Variants in PPP2R1A observed in about 807,000 individuals in gnomAD.
PPP2R1A encodes the protein protein phosphatase 2 scaffold subunit Aalpha, also known as serine/threonine-protein phosphatase 2A 65 kDa regulatory subunit A alpha isoform.
PPP2R1A carries 15 observed loss-of-function variants against 67.1 expected under a neutral mutation model. The observed-to-expected ratio is 0.22, with a 90% CI of 0.15 to 0.34. The LOEUF (loss-of-function observed/expected upper bound fraction) is 0.34, where lower values mean the gene tolerates loss of function less well. PPP2R1A is among the 10% of genes least tolerant of loss of function. The pLI is 1.00. For synonymous variants in PPP2R1A, 337 were observed against 325.0 expected (o/e 1.04, Z -0.40); for missense variants, 369 against 775.0 (o/e 0.48, Z 6.22).
intron 12 of PPP2R1A, among the ~76,000 whole-genome samples, chr19:52,221,515 A>G (rs574132975): frequency 2.0e-5 from 3 of 152,226 alleles, no homozygotes; most frequent in Admixed American, 2.0e-4. Context: ...ACTGCCATAT[A>G]TTAGCTATGG....
intron 9 of PPP2R1A, among the ~76,000 whole-genome samples, chr19:52,218,060 G>A (rs1210890949): frequency 6.6e-6 from 1 of 152,134 alleles, no homozygotes; most frequent in African/African-American, 2.4e-5. Context: ...GCATTGATAC[G>A]GAAGGATTCA....
At position 52,220,993 on chromosome 19, in the gene PPP2R1A, G is replaced by A. The variant is rs747728763; in HGVS notation, c.1378G>A (p.Glu460Lys). 3.1e-6 allele frequency: 5 copies of A among 1,614,156 alleles called. No homozygotes were observed. Among genetic ancestry groups the A allele is most frequent in the Non-Finnish European group, 2.5e-6 (3 of 1,180,012 alleles). The change falls in exon 12 of 15, where the codon GAG becomes AAG. Residue 460 changes from glutamate (E) to lysine (K), a missense_variant. By Grantham distance (56) the Glu-to-Lys change is moderately conservative. Coordinates refer to ENST00000322088, the MANE Select transcript of PPP2R1A (RefSeq NM_014225.6). Reference sequence around the variant, plus strand: ...CCCTTCTGCAGTATATGCCATCCGCGAGGCAGCCACCAGCAACCTGAAGAA... The same window carrying A: ...CCCTTCTGCAGTATATGCCATCCGCAAGGCAGCCACCAGCAACCTGAAGAA... ...WLVDHVYAIR[E>K]AATSNLKKLV...
In PPP2R1A at chr19:52,226,865, T is replaced by A. The variant is rs1478055336; in HGVS notation, c.*884T>A. The A allele has an allele frequency of 6.6e-6, 1 of 152,128 alleles. No homozygotes were observed. The highest frequency in any genetic ancestry group is 1.5e-5 in the Non-Finnish European group (1 of 68,024). The allele number at this position is 152,128 out of a possible 1,614,324, so 9.4% of individuals were successfully genotyped here. A position where few individuals can be genotyped will look rare whatever the true frequency, so the allele number is the denominator to read the frequency against. ...TAGTACCTGGAAAGTGTGTAACAGT[T>A]TCAACATGAGAAGTACACAACATGA... On this transcript the variant is annotated 3_prime_UTR_variant, in exon 15 of 15. Coordinates refer to ENST00000322088, the MANE Select transcript of PPP2R1A (RefSeq NM_014225.6).
chr19:52,205,744 C>T (rs1037863605), intron 2 of PPP2R1A, among the ~76,000 whole-genome samples: 6 of 152,132 alleles, frequency 3.9e-5, no homozygotes, highest in Admixed American at 6.5e-5. Flanking sequence ...ATTTCACACC[C>T]GCTAGAGGGC....
chr19:52,196,744 AG>A (rs1478627312), intron 1 of PPP2R1A, among the ~76,000 whole-genome samples: 1 of 152,184 alleles, frequency 6.6e-6, no homozygotes, highest in African/African-American at 2.4e-5. Context: ...TCATGGTGTC[AG>A]GGTCCCAGGC....
chr19:52,201,321 T>C (rs1173303414), intron 1 of PPP2R1A: 1 of 152,282 alleles, frequency 6.6e-6, no homozygotes, highest in African/African-American at 2.4e-5. Flanking sequence ...TTTTTTTCTC[T>C]TTGAGACAAA....
rs184845027 is a variant in PPP2R1A, at chr19:52,211,930, C to T, written c.503+438C>T. Among the ~76,000 whole-genome samples, 1 of 152,226 alleles carries T rather than the reference C, an allele frequency of 6.6e-6. No homozygotes were observed. The highest frequency in any genetic ancestry group is 1.5e-5 in the Non-Finnish European group (1 of 68,046). ...ACTTTGCAAACGATTGACCGTCAAG[C>T]CCGGGTTTGAGCCTGACTCACTCCA... On this transcript the variant is annotated intron_variant, in intron 4 of 14. Coordinates refer to ENST00000322088, the MANE Select transcript of PPP2R1A (RefSeq NM_014225.6). This position sits in a 1 kb window ranked among gnomAD's most constrained non-coding sequence, Gnocchi z 5.3.
rs753055903 is a variant in PPP2R1A, at chr19:52,212,670, C to G, written c.504-16C>G. 7 of 1,610,232 alleles carry G rather than the reference C, an allele frequency of 4.3e-6. No homozygotes were observed. The highest frequency in any genetic ancestry group is 5.9e-6 in the Non-Finnish European group (7 of 1,179,962). On this transcript the variant is annotated splice_polypyrimidine_tract_variant and intron_variant, in intron 4 of 14. Coordinates refer to ENST00000322088, the MANE Select transcript of PPP2R1A (RefSeq NM_014225.6). The surrounding 1 kb of genome is among the most constrained non-coding windows in gnomAD (Gnocchi z 4.1). ...ATACTGCCTGCTGCCTCAGGATCCCCGTCCCCGACTCCCAGGTACTTCCGG... is the reference window on the plus strand; with the variant it reads ...ATACTGCCTGCTGCCTCAGGATCCCGGTCCCCGACTCCCAGGTACTTCCGG...
chr19:52,199,521 C>CT (rs571886584), intron 1 of PPP2R1A, among the ~76,000 whole-genome samples: 104 of 152,282 alleles, frequency 6.8e-4, no homozygotes, highest in African/African-American at 2.5e-3. Context: ...CTTTGGAAGA[C>CT]TAACACAAGG....
At chr19:52,200,083 G>A (rs2089532869) in intron 1 of PPP2R1A, among the ~76,000 whole-genome samples, 1 of 152,192 alleles carries the variant, frequency 6.6e-6, no homozygotes, top group Non-Finnish European at 1.5e-5. Context: ...TGTAGACCTC[G>A]TCTCAGTTAT....
intron 1 of PPP2R1A, among the ~76,000 whole-genome samples, chr19:52,193,053 T>C (rs1444178969): frequency 3.3e-5 from 5 of 152,264 alleles, no homozygotes. Flanking sequence ...GCTTGCTCTA[T>C]GTTAGGTACA....
Position 52,226,115 on chromosome 19 carries a change from C to A in PPP2R1A, c.*134C>A. 3 of 1,360,040 alleles carry A rather than the reference C, an allele frequency of 2.2e-6. No homozygotes were observed. The highest frequency in any genetic ancestry group is 1.9e-5 in the Admixed American group (1 of 53,034). 84.2% of individuals were successfully genotyped at this position (1,360,040 alleles called of 1,614,324 possible). ...TCTGACCCCAGGCCCCTTCCCCCAG[C>A]ACGGTTCCTCCTCTCCCCAGCCTGG... On this transcript the variant is annotated 3_prime_UTR_variant, in exon 15 of 15. Transcript: ENST00000322088.
At chr19:52,209,198 C>G (rs1456437192) in intron 3 of PPP2R1A, among the ~76,000 whole-genome samples, 1 of 151,126 alleles carries the variant, frequency 6.6e-6, no homozygotes, top group Non-Finnish European at 1.5e-5. Context: ...TGTCCCAGGC[C>G]TCCTTATAAC....
At chr19:52,202,637 C>T (rs758099372) in intron 2 of PPP2R1A, among the ~76,000 whole-genome samples, 2 of 152,204 alleles carry the variant, frequency 1.3e-5, no homozygotes, top group Non-Finnish European at 2.9e-5. Flanking sequence ...TGCCCAAGGT[C>T]ATGCAGTGAG....
intron 3 of PPP2R1A, among the ~76,000 whole-genome samples, chr19:52,206,535 A>T (rs925812952): frequency 6.6e-6 from 1 of 152,164 alleles, no homozygotes; most frequent in Non-Finnish European, 1.5e-5. Flanking sequence ...GTGACATCAT[A>T]TCCAGCCTTT....
At position 52,229,025 on chromosome 19, in the gene PPP2R1A, G is replaced by C. The variant is rs1188604172; in HGVS notation, c.*3044G>C. ...GCTCCCCCGGGCAGATGAAGATGAC[G>C]AGGTGGTGCCTCAGCCCCGAGGAGT... On this transcript the variant is annotated 3_prime_UTR_variant, in exon 15 of 15. Coordinates refer to ENST00000322088, the MANE Select transcript of PPP2R1A (RefSeq NM_014225.6). 2.0e-5 allele frequency: 3 copies of C among 152,234 alleles called. No individual in the cohort carries two copies. Among genetic ancestry groups the C allele is most frequent in the Non-Finnish European group, 4.4e-5 (3 of 68,114 alleles). 9.4% of individuals were successfully genotyped at this position (152,234 alleles called of 1,614,324 possible).
In PPP2R1A at chr19:52,221,057, C is replaced by G; in HGVS notation, c.1442C>G (p.Thr481Arg). 1 of 1,614,248 alleles carries G rather than the reference C, an allele frequency of 6.2e-7. No individual in the cohort carries two copies. The highest frequency in any genetic ancestry group is 8.5e-7 in the Non-Finnish European group (1 of 1,180,034). Reference protein sequence around the residue: ...EKFGKEWAHATIIPKVLAMSG... With the variant: ...EKFGKEWAHARIIPKVLAMSG... ...TTTGGGAAGGAGTGGGCCCATGCCACAATCATCCCCAAGGTCTTGGCCATG... is the reference window on the plus strand; with the variant it reads ...TTTGGGAAGGAGTGGGCCCATGCCAGAATCATCCCCAAGGTCTTGGCCATG... Residue 481 changes from threonine (T) to arginine (R), a missense_variant, in exon 12 of 15, where the codon ACA becomes AGA. Thr to Arg is a moderately conservative substitution (Grantham distance 71). Transcript: ENST00000322088.
At chr19:52,200,901 A>G (rs559823795) in intron 1 of PPP2R1A, among the ~76,000 whole-genome samples, 2 of 152,054 alleles carry the variant, frequency 1.3e-5, no homozygotes, top group Non-Finnish European at 1.5e-5. Context: ...ATCTGGACAC[A>G]CTTAACTACG....
chr19:52,216,393 T>C lies in PPP2R1A; in HGVS notation c.994-136T>C, dbSNP rs2122350375. On this transcript the variant is annotated intron_variant, in intron 8 of 14. Coordinates refer to ENST00000322088, the MANE Select transcript of PPP2R1A (RefSeq NM_014225.6). This position sits in a 1 kb window ranked among gnomAD's most constrained non-coding sequence, Gnocchi z 4.3. ...TCATAAGGAATAGTGATTTCCCCTG[T>C]ACCCTAAGCCATCCCCTGCTCTATG... 1 of 1,192,738 alleles carries C rather than the reference T, an allele frequency of 8.4e-7. No homozygotes were observed. Among genetic ancestry groups the C allele is most frequent in the Admixed American group, 2.2e-5 (1 of 45,334 alleles). 73.9% of individuals were successfully genotyped at this position (1,192,738 alleles called of 1,614,324 possible). A position where few individuals can be genotyped will look rare whatever the true frequency, so the allele number is the denominator to read the frequency against.
Sources: gnomAD v4.1 joint callset for allele counts (sites outside exome capture counted in the v4.1 genomes callset) on GRCh38, gnomAD v4.1.1 for gene constraint, Gnocchi (gnomAD v3.1) non-coding constraint, MANE v1.5 for transcripts, NCBI Gene and HGNC (gene_info 2026-07-23, HGNC 2026-07-21) for gene names.